KSR2: variants seen among roughly 807,000 people sequenced by gnomAD.
KSR2 encodes kinase suppressor of ras 2.
KSR2 carries 25 observed loss-of-function variants against 107.8 expected under a neutral mutation model. That is an observed-to-expected ratio of 0.23 (90% CI 0.17 to 0.32). The LOEUF (loss-of-function observed/expected upper bound fraction) is 0.32, where lower values mean the gene tolerates loss of function less well. KSR2 is among the 10% of genes least tolerant of loss of function. The pLI, the probability that KSR2 is intolerant of heterozygous loss-of-function variation, is 1.00. For synonymous variants in KSR2, 480 were observed against 507.0 expected (o/e 0.95, Z 0.71); for missense variants, 887 against 1,268.9 (o/e 0.70, Z 4.57).
Position 117,465,704 on chromosome 12 carries a change from G to C in KSR2, c.*1495C>G, listed in dbSNP as rs2650171. The C allele has an allele frequency of 4.6e-5, 7 of 152,186 alleles. No individual in the cohort carries two copies. The highest frequency in any genetic ancestry group is 1.0e-4 in the Non-Finnish European group (7 of 68,040). The allele number at this position is 152,186 out of a possible 1,614,324, so 9.4% of individuals were successfully genotyped here. ...GTAGCTACAAGAAAACTAAGGCCCA[G>C]GTAGTACCCAGGAAACACAGAGGGG... On this transcript the variant is annotated 3_prime_UTR_variant, in exon 20 of 20. Coordinates refer to ENST00000339824, the MANE Select transcript of KSR2 (RefSeq NM_173598.6).
chr12:117,517,933 G>A (rs1874483226), intron 14 of KSR2: 1 of 452,690 alleles, frequency 2.2e-6, no homozygotes, highest in Admixed American at 2.4e-5. Context: ...CACCTTAACA[G>A]AAGGCAGGGT....
chr12:117,701,928 T>A lies in KSR2; in HGVS notation c.987-34270A>T, dbSNP rs944789095. On this transcript the variant is annotated intron_variant, in intron 4 of 19. Coordinates refer to ENST00000339824, the MANE Select transcript of KSR2 (RefSeq NM_173598.6). ...GTCTCCAGAACTAAAAAAGAAAAAA[T>A]TTCTATTGCTTTCAGCCATCAAATT... is the stretch of plus-strand genomic sequence containing the variant. Among the ~76,000 whole-genome samples the A allele has an allele frequency of 4.6e-5, 7 of 152,080 alleles. No homozygotes were observed. The East Asian group carries it at 1.2e-3, about 25-fold the overall frequency.
At chr12:117,564,278 T>C (rs182822238) in intron 7 of KSR2, among the ~76,000 whole-genome samples, 4 of 152,186 alleles carry the variant, frequency 2.6e-5, no homozygotes, top group African/African-American at 9.7e-5. Flanking sequence ...AGGTCCTATA[T>C]GGTTCCAGAA....
intron 3 of KSR2, among the ~76,000 whole-genome samples, chr12:117,801,839 G>GGCT (rs1890842342): frequency 6.6e-6 from 1 of 151,386 alleles, no homozygotes; most frequent in African/African-American, 2.4e-5. Flanking sequence ...GAAGTACCGT[G>GGCT]GGGGGAAGAA....
At chr12:117,911,191 C>CTG (rs1337018672) in intron 1 of KSR2, among the ~76,000 whole-genome samples, 3 of 152,012 alleles carry the variant, frequency 2.0e-5, no homozygotes, top group African/African-American at 7.3e-5. Context: ...CACACACACA[C>CTG]ACACACACTC....
intron 1 of KSR2, among the ~76,000 whole-genome samples, chr12:117,924,572 CAAAAAA>C (rs58789868): frequency 0.015 from 612 of 39,504 alleles, 3 homozygotes; most frequent in Middle Eastern, 0.034. Flanking sequence ...AGCTCCATCT[CAAAAAA>C]AAAAAAAAAA....
chr12:117,530,998 G>A lies in KSR2; in HGVS notation c.1745C>T (p.Pro582Leu), dbSNP rs751356379. ...QFIFPDVVPV[P>L]ETPTRAPQVI... ...CTGGGGCGCCCGGGTCGGCGTCTCC[G>A]GCACCGGCACCACATCTGAAAACCA... The change falls in exon 12 of 20, where the codon CCG becomes CTG. Residue 582 changes from proline (P) to leucine (L), a missense_variant. This residue lies in a region of KSR2 where 308 missense variants were observed against 506.2 expected (regional missense o/e 0.61). Coordinates refer to ENST00000339824, the MANE Select transcript of KSR2 (RefSeq NM_173598.6). The A allele has an allele frequency of 1.5e-5, 25 of 1,613,282 alleles. No individual in the cohort carries two copies. Among genetic ancestry groups the A allele is most frequent in the East Asian group, 1.1e-4 (5 of 44,854 alleles).
At chr12:117,611,027 G>A (rs1881567293) in intron 5 of KSR2, among the ~76,000 whole-genome samples, 1 of 152,130 alleles carries the variant, frequency 6.6e-6, no homozygotes, top group Non-Finnish European at 1.5e-5. Context: ...TGTACAGGCT[G>A]CATAGTTTAC....
At position 117,609,619 on chromosome 12, in the gene KSR2, A is replaced by G. The variant is rs145842017; in HGVS notation, c.1172-27260T>C. On this transcript the variant is annotated intron_variant, in intron 5 of 19. Transcript: ENST00000339824. ...AATTGGAACACAGTTGCACCTGCTCACTTTTGTGTTGTCTGTGGCTGCTTT... is the reference window on the plus strand; with the variant it reads ...AATTGGAACACAGTTGCACCTGCTCGCTTTTGTGTTGTCTGTGGCTGCTTT... Among the ~76,000 whole-genome samples, 488 of 152,320 alleles carry G rather than the reference A, an allele frequency of 3.2e-3. 4 individuals are homozygous for G. The highest frequency in any genetic ancestry group is 0.011 in the African/African-American group (460 of 41,572).
chr12:117,740,803 A>C (rs1472588253), intron 4 of KSR2, among the ~76,000 whole-genome samples: 2 of 151,848 alleles, frequency 1.3e-5, no homozygotes, highest in African/African-American at 4.8e-5. Context: ...CTTTATTTTC[A>C]ATTGATAGAA....
At chr12:117,537,789 T>C (rs899348969) in intron 10 of KSR2, among the ~76,000 whole-genome samples, 2 of 152,044 alleles carry the variant, frequency 1.3e-5, no homozygotes, top group African/African-American at 4.8e-5. Context: ...GAACAGCAAA[T>C]TGTCAGGCAC....
chr12:117,947,222 AAAGAAAGAAAG>A lies in KSR2; in HGVS notation c.180+20843_180+20853del. Among the ~76,000 whole-genome samples, 7 of 96,870 alleles carry A rather than the reference AAAGAAAGAAAG, an allele frequency of 7.2e-5. No individual in the cohort carries two copies. In the South Asian group the frequency reaches 2.5e-3, roughly 34 times the overall value. 63.6% of individuals were successfully genotyped at this position (96,870 alleles called of 152,430 possible). On this transcript the variant is annotated intron_variant, in intron 1 of 19. Coordinates refer to ENST00000339824, the MANE Select transcript of KSR2 (RefSeq NM_173598.6). ...AAAGAAAGAAAAGAAAGAAAGAAAG[AAAGAAAGAAAG>A]AAAGAAAGAAAGAAAGAAAGAAAGA...
intron 1 of KSR2, among the ~76,000 whole-genome samples, chr12:117,920,320 G>A (rs529342787): frequency 3.3e-5 from 5 of 151,340 alleles, no homozygotes; most frequent in South Asian, 2.1e-4. Flanking sequence ...GGCTGGTCTC[G>A]AACTCCTGGG....
chr12:117,960,797 CT>C (rs57298583), intron 1 of KSR2, among the ~76,000 whole-genome samples: 19,154 of 138,572 alleles, frequency 0.14, 1,790 homozygotes, highest in African/African-American at 0.3. Context: ...TTTCTTTTTC[CT>C]TTTTTTTTTT....
intron 3 of KSR2, among the ~76,000 whole-genome samples, chr12:117,788,574 T>C (rs1367539739): frequency 2.6e-5 from 4 of 152,198 alleles, no homozygotes; most frequent in African/African-American, 9.6e-5. Flanking sequence ...TGATCTCAGC[T>C]CACGGCAACC....
intron 1 of KSR2, among the ~76,000 whole-genome samples, chr12:117,920,427 G>A (rs977281144): frequency 6.7e-6 from 1 of 149,078 alleles, no homozygotes; most frequent in Non-Finnish European, 1.5e-5. Flanking sequence ...TTTAATGAAA[G>A]AAAAAGAATA....
chr12:117,509,096 G>T (rs537078795), intron 14 of KSR2, among the ~76,000 whole-genome samples: 1 of 152,214 alleles, frequency 6.6e-6, no homozygotes, highest in Admixed American at 6.5e-5. Context: ...ACTTCTGAGG[G>T]TTCAGCTTAG....
rs1263049530 is a variant in KSR2, at chr12:117,493,005, C to CT, written c.2220-7315dup. Among the ~76,000 whole-genome samples the CT allele has an allele frequency of 2.0e-5, 3 of 152,112 alleles. No homozygotes were observed. The East Asian group carries it at 5.8e-4, about 29-fold the overall frequency. ...CATGAGACCCACTTTGGACTTCTGA[C>CT]TTTCAGAACCATGTTCTTGTTGTTT... On this transcript the variant is annotated intron_variant, in intron 14 of 19. Coordinates refer to ENST00000339824, the MANE Select transcript of KSR2 (RefSeq NM_173598.6).
At chr12:117,833,431 T>C (rs887656870) in intron 3 of KSR2, among the ~76,000 whole-genome samples, 5 of 152,098 alleles carry the variant, frequency 3.3e-5, no homozygotes, top group South Asian at 2.1e-4. Flanking sequence ...GGCATGATCA[T>C]AGCTCACTGC....
Sources: gnomAD v4.1 joint callset for allele counts (sites outside exome capture counted in the v4.1 genomes callset) on GRCh38, gnomAD v4.1.1 for gene constraint, gnomAD v4.1.1 regional missense constraint, MANE v1.5 for transcripts, NCBI Gene and HGNC (gene_info 2026-07-23, HGNC 2026-07-21) for gene names.